BCL9L: variants seen among roughly 807,000 people sequenced by gnomAD.
BCL9L encodes the protein BCL9 like, also known as B-cell CLL/lymphoma 9-like protein.
A neutral mutation model predicts 99.4 loss-of-function variants in BCL9L; 19 were observed. That is an observed-to-expected ratio of 0.19 (90% CI 0.13 to 0.28). BCL9L has a LOEUF of 0.28. BCL9L is among the 10% of genes least tolerant of loss of function. BCL9L has a pLI of 1.00. For missense variants in BCL9L, 2,023 were observed against 2,101.6 expected, an observed-to-expected ratio of 0.96 and a Z score of 0.73; for synonymous variants, 900 against 854.8, an observed-to-expected ratio of 1.05 and a Z score of -0.92.
At position 118,899,492 on chromosome 11, in the gene BCL9L, C is replaced by T. The variant is rs751573163; in HGVS notation, c.3423G>A (p.Gln1141=). 6 of 1,608,550 alleles carry T rather than the reference C, an allele frequency of 3.7e-6. No homozygotes were observed. The South Asian group carries it at 6.7e-5, about 18-fold the overall frequency. The change falls in exon 10 of 10, where the codon CAG becomes CAA. Residue 1141 remains glutamine, a synonymous_variant. Transcript: ENST00000683865. ...CTGAGTTCAGGTGCATCTGGCTGGG[C>T]TGGCTGTTGCTGATCCCTGTAGGGA... ...QGSGPGISNS[Q]PSQMHLNSAA...
chr11:118,908,197 G>C (rs996320190), intron 4 of BCL9L, 73 bp downstream of exon 4: 1 of 1,499,282 alleles, frequency 6.7e-7, no homozygotes, highest in Non-Finnish European at 8.9e-7. Flanking sequence ...GGAGCAGAGA[G>C]GTGATCTCCC....
chr11:118,911,354 G>A, intron 2 of BCL9L: 1 of 438,856 alleles, frequency 2.3e-6, no homozygotes, highest in South Asian at 1.6e-5. Flanking sequence ...CTGGGGGTGA[G>A]GGGGCCCCAC....
intron 4 of BCL9L, 110 bp downstream of exon 4, chr11:118,908,160 A>C: frequency 7.1e-7 from 1 of 1,410,922 alleles, no homozygotes; most frequent in Non-Finnish European, 9.4e-7. Flanking sequence ...ACTGGAGAAG[A>C]ACGTGGGATG....
rs1009867911 is a variant in BCL9L, at chr11:118,914,719, C to G, written c.-77+4107G>C. Among the ~76,000 whole-genome samples the G allele has an allele frequency of 6.6e-6, 1 of 152,308 alleles. No individual in the cohort carries two copies. Among genetic ancestry groups the G allele is most frequent in the Admixed American group, 6.5e-5 (1 of 15,304 alleles). On this transcript the variant is annotated intron_variant, in intron 2 of 9. Coordinates refer to ENST00000683865, the MANE Select transcript of BCL9L (RefSeq NM_001378213.1). The surrounding 1 kb of genome is among the most constrained non-coding windows in gnomAD (Gnocchi z 4.4). ...GTGAGAGCAGTGACAGGCAGGGTCC[C>G]CTGTCCCCAGGCCTCCTCTCCCACA...
chr11:118,911,243 G>A (rs1431934708), intron 2 of BCL9L: 1 of 455,858 alleles, frequency 2.2e-6, no homozygotes, highest in East Asian at 6.9e-5. Context: ...CAAAGGGGAG[G>A]AGTCTTGGGC....
intron 2 of BCL9L, among the ~76,000 whole-genome samples, chr11:118,912,270 C>T (rs1940824533): frequency 6.6e-6 from 1 of 152,230 alleles, no homozygotes; most frequent in Non-Finnish European, 1.5e-5. Flanking sequence ...TAGTACCAGG[C>T]CAGGGGCCCT....
Position 118,922,752 on chromosome 11 carries a change from G to A in BCL9L, c.-131+2486C>T, listed in dbSNP as rs187382089. ...CCAGGGCTCTGGCACAAGGAAGGAA[G>A]GGATGCCATTCCCCTGTCACCCCTG... On this transcript the variant is annotated intron_variant, in intron 1 of 9. Coordinates refer to ENST00000683865, the MANE Select transcript of BCL9L (RefSeq NM_001378213.1). The surrounding 1 kb of genome is among the most constrained non-coding windows in gnomAD (Gnocchi z 6.2). 1.5e-3 allele frequency among the ~76,000 whole-genome samples: 224 copies of A among 152,246 alleles called. No homozygotes were observed. Among genetic ancestry groups the A allele is most frequent in the Non-Finnish European group, 2.6e-3 (177 of 68,006 alleles).
intron 5 of BCL9L, among the ~76,000 whole-genome samples, chr11:118,905,838 A>T (rs1031613494): frequency 2.0e-5 from 3 of 151,932 alleles, no homozygotes; most frequent in Non-Finnish European, 4.4e-5. Flanking sequence ...AAATAAATAA[A>T]TAAATAAAAG....
In BCL9L at chr11:118,898,712, G is replaced by A. The variant is rs764213155; in HGVS notation, c.4203C>T (p.Gly1401=). The A allele has an allele frequency of 1.9e-6, 3 of 1,612,552 alleles. No individual in the cohort carries two copies. The highest frequency in any genetic ancestry group is 2.5e-6 in the Non-Finnish European group (3 of 1,179,536). Reference sequence around the variant, plus strand: ...CCTGCTGTGGGGGCACGCCTGTCCTGCCCAGCAAGGACATCTGTCCAGGGT... The same window carrying A: ...CCTGCTGTGGGGGCACGCCTGTCCTACCCAGCAAGGACATCTGTCCAGGGT... ...MCHPGQMSLL[G]RTGVPPQQGM... is the part of the protein sequence containing the mutation. Residue 1401 remains glycine, a synonymous_variant, in exon 10 of 10, where the codon GGC becomes GGT. Coordinates refer to ENST00000683865, the MANE Select transcript of BCL9L (RefSeq NM_001378213.1).
intron 3 of BCL9L, among the ~76,000 whole-genome samples, chr11:118,909,698 C>G (rs993076277): frequency 1.3e-5 from 2 of 152,022 alleles, no homozygotes; most frequent in Admixed American, 1.3e-4. Context: ...GTCCCCTCTG[C>G]CCCCCACCCA....
intron 2 of BCL9L, among the ~76,000 whole-genome samples, chr11:118,911,592 A>T (rs574900547): frequency 6.6e-6 from 1 of 152,230 alleles, no homozygotes; most frequent in Non-Finnish European, 1.5e-5. Flanking sequence ...CCTGGCTGGC[A>T]TGCATCTCAG....
At chr11:118,924,103 G>A (rs1941219896) in intron 1 of BCL9L, among the ~76,000 whole-genome samples, 1 of 152,116 alleles carries the variant, frequency 6.6e-6, no homozygotes, top group East Asian at 1.9e-4. Context: ...GAAGACAGTG[G>A]AAGCCCACTC....
chr11:118,911,185 C>T, intron 2 of BCL9L: 1 of 454,694 alleles, frequency 2.2e-6, no homozygotes, highest in East Asian at 7.0e-5. Context: ...GCTCCCCCCT[C>T]GCCTCCCCTA....
At chr11:118,923,415 G>A (rs1941199561) in intron 1 of BCL9L, among the ~76,000 whole-genome samples, 1 of 152,140 alleles carries the variant, frequency 6.6e-6, no homozygotes, top group Admixed American at 6.5e-5. Context: ...GCTAAGCAGG[G>A]TCATGGGTAC....
rs546079781 is a variant in BCL9L at position 118,914,250 on chromosome 11, G to T, written c.-76-4235C>A. Reference sequence around the variant, plus strand: ...AGGGGTTAATCTGTCCCCTATTTAGGGGGGTAGGGGTGGCCGAGGAACCTC... The same window carrying T: ...AGGGGTTAATCTGTCCCCTATTTAGTGGGGTAGGGGTGGCCGAGGAACCTC... On this transcript the variant is annotated intron_variant, in intron 2 of 9. Coordinates refer to ENST00000683865, the MANE Select transcript of BCL9L (RefSeq NM_001378213.1). This position sits in a 1 kb window ranked among gnomAD's most constrained non-coding sequence, Gnocchi z 4.4. 1.3e-5 allele frequency among the ~76,000 whole-genome samples: 2 copies of T among 152,160 alleles called. No homozygotes were observed. The highest frequency in any genetic ancestry group is 6.5e-5 in the Admixed American group (1 of 15,282).
intron 1 of BCL9L, among the ~76,000 whole-genome samples, chr11:118,923,380 A>T (rs1199111656): frequency 6.6e-6 from 1 of 152,152 alleles, no homozygotes; most frequent in African/African-American, 2.4e-5. Context: ...TAACCCAGGT[A>T]CCAGGACTCC....
rs1941154835 is a variant in BCL9L, at chr11:118,921,973, G to C, written c.-130-3094C>G. ...ACCCCCCACACTCAGAGCAGGCTGT[G>C]GGCATCCCCCTGGGAACCCAAGGCT... is the stretch of plus-strand genomic sequence containing the variant. On this transcript the variant is annotated intron_variant, in intron 1 of 9. Coordinates refer to ENST00000683865, the MANE Select transcript of BCL9L (RefSeq NM_001378213.1). The surrounding 1 kb of genome is among the most constrained non-coding windows in gnomAD (Gnocchi z 5.4). Among the ~76,000 whole-genome samples, 1 of 152,158 alleles carries C rather than the reference G, an allele frequency of 6.6e-6. No individual in the cohort carries two copies. The highest frequency in any genetic ancestry group is 2.1e-4 in the South Asian group (1 of 4,832).
At position 118,902,537 on chromosome 11, in the gene BCL9L, C is replaced by T; in HGVS notation, c.1206G>A (p.Glu402=). The change falls in exon 8 of 10, where the codon GAG becomes GAA. Residue 402 remains glutamate (E), a synonymous_variant. Transcript: ENST00000683865. The surrounding 1 kb of genome is among the most constrained non-coding windows in gnomAD (Gnocchi z 7.8). ...SLVGSEGLSK[E]QLEHRERSLQ... ...GGGACCGTTCCCGATGCTCCAGCTG[C>T]TCTTTGGACAAGCCCTCTGAGCCCA... The T allele has an allele frequency of 6.2e-7, 1 of 1,603,660 alleles. No individual in the cohort carries two copies. Among genetic ancestry groups the T allele is most frequent in the Non-Finnish European group, 8.5e-7 (1 of 1,179,882 alleles).
At position 118,898,797 on chromosome 11, in the gene BCL9L, C is replaced by G; in HGVS notation, c.4118G>C (p.Arg1373Pro). Residue 1373 changes from arginine to proline, a missense_variant, in exon 10 of 10, where the codon CGG (arginine) becomes CCG (proline). Arg to Pro is a moderately radical substitution (Grantham distance 103). This residue lies in a region of BCL9L where 902 missense variants were observed against 888.2 expected (regional missense o/e 1.02). Coordinates refer to ENST00000683865, the MANE Select transcript of BCL9L (RefSeq NM_001378213.1). ...CTGCTGGCCTGGGAGGTTGGGAGGC[C>G]GAGAGGGAGTCTGCTCCGCCATCAT... ...QNMMAEQTPS[R>P]PPNLPGQQGV... 6.2e-7 allele frequency: 1 copy of G among 1,613,796 alleles called. No individual in the cohort carries two copies. The highest frequency in any genetic ancestry group is 8.5e-7 in the Non-Finnish European group (1 of 1,179,934).
Sources: gnomAD v4.1 joint callset for allele counts (sites outside exome capture counted in the v4.1 genomes callset) on GRCh38, gnomAD v4.1.1 for gene constraint, gnomAD v4.1.1 regional missense constraint, Gnocchi (gnomAD v3.1) non-coding constraint, MANE v1.5 for transcripts, NCBI Gene and HGNC (gene_info 2026-07-23, HGNC 2026-07-21) for gene names.